Variants in IFNL3 observed in about 807,000 individuals in gnomAD.
IFNL3 encodes the protein interferon lambda-3.
IFNL3 carries 16 observed loss-of-function variants against 16.3 expected under a neutral mutation model. That is an observed-to-expected ratio of 0.98 (90% CI 0.67 to 1.50). The LOEUF is 1.50. IFNL3 is among the 40% of genes most tolerant of loss of function. The probability of loss-of-function intolerance (pLI) is 0.00; values close to 1 mark genes in which losing one functional copy is unlikely to be tolerated. For synonymous variants in IFNL3, 115 were observed against 115.3 expected (o/e 1.00, Z 0.02); for missense variants, 254 against 253.5 (o/e 1.00, Z -0.01).
chr19:39,244,714 G>C, intron 1 of IFNL3, 74 bp downstream of exon 1: 1 of 1,547,348 alleles, frequency 6.5e-7, no homozygotes, highest in Non-Finnish European at 8.8e-7. Flanking sequence ...AGGAAGCTGG[G>C]AGTGGGAAAG....
In IFNL3 at chr19:39,243,553, A is replaced by G. The variant is rs1336132194; in HGVS notation, c.*79T>C. ...TGGATTTACATACACAAATACATAA[A>G]TAGCGACTGGGTGACAATAAATTAA... On this transcript the variant is annotated 3_prime_UTR_variant, in exon 5 of 5. Coordinates refer to ENST00000413851, the MANE Select transcript of IFNL3 (RefSeq NM_172139.4). The G allele has an allele frequency of 6.9e-7, 1 of 1,448,282 alleles. No individual in the cohort carries two copies. The highest frequency in any genetic ancestry group is 9.4e-7 in the Non-Finnish European group (1 of 1,058,486). 89.7% of individuals were successfully genotyped at this position (1,448,282 alleles called of 1,614,324 possible). A position where few individuals can be genotyped will look rare whatever the true frequency, so the allele number is the denominator to read the frequency against.
In IFNL3 at chr19:39,244,883, C is replaced by T. The variant is rs140951294; in HGVS notation, c.85G>A (p.Gly29Arg). 299 of 1,613,990 alleles carry T rather than the reference C, an allele frequency of 1.9e-4. No individual in the cohort carries two copies. The African/African-American group carries it at 2.2e-3, about 12-fold the overall frequency. ...CAGCCCCTTGCATCCGGGAGAGCCC[C>T]GCGGAGCCTGGCGACAGGAACTGCT... ...TGAVPVARLR[G>R]ALPDARGCHI... The change falls in exon 1 of 5, where the codon GGG (glycine) becomes AGG (arginine). Residue 29 changes from glycine (G) to arginine (R), a missense_variant. By Grantham distance (125) the Gly-to-Arg change is moderately radical. Coordinates refer to ENST00000413851, the MANE Select transcript of IFNL3 (RefSeq NM_172139.4).
chr19:39,243,759 C>T, intron 4 of IFNL3, 29 bp from the exon 5 acceptor site: 1 of 1,612,912 alleles, frequency 6.2e-7, no homozygotes. Flanking sequence ...GGGTCAGGGG[C>T]TGTCTGGGTT....
downstream of IFNL3, chr19:39,243,504 A>G (rs1166897446): frequency 8.8e-7 from 1 of 1,131,986 alleles, no homozygotes; most frequent in African/African-American, 1.6e-5. Flanking sequence ...AAGTAGAAAA[A>G]TAAACATTTT....
chr19:39,244,035 G>T lies in IFNL3; in HGVS notation c.381C>A (p.His127Gln). 3.1e-6 allele frequency: 5 copies of T among 1,614,186 alleles called. No homozygotes were observed. The highest frequency in any genetic ancestry group is 4.2e-6 in the Non-Finnish European group (5 of 1,180,026). Residue 127 changes from histidine to glutamine, a missense_variant, in exon 3 of 5, where the codon CAC becomes CAA. Physicochemically the swap from His to Gln is conservative, Grantham distance 24. Transcript: ENST00000413851. ...DVLDQPLHTL[H>Q]HILSQLRACI... ...AGGCCCGGAGCTGGGAGAGGATATG[G>T]TGCAGGGTGTGAAGGGGCTGGTCCA...
Position 39,244,734 on chromosome 19 carries a change from C to A in IFNL3, c.180+54G>T. On this transcript the variant is annotated intron_variant, in intron 1 of 4. Coordinates refer to ENST00000413851, the MANE Select transcript of IFNL3 (RefSeq NM_172139.4). ...GCTGGGAGTGGGAAAGCATGGTGACCCTTGGAGTGCGGGTGGAGGCTAGTC... is the reference window on the plus strand; with the variant it reads ...GCTGGGAGTGGGAAAGCATGGTGACACTTGGAGTGCGGGTGGAGGCTAGTC... 4 of 1,582,338 alleles carry A rather than the reference C, an allele frequency of 2.5e-6. 1 individual carries two copies. Among genetic ancestry groups the A allele is most frequent in the African/African-American group, 2.8e-5 (2 of 72,212 alleles).
rs141779226 is a variant in IFNL3, at chr19:39,244,928, C to G, written c.40G>C (p.Ala14Pro). The change falls in exon 1 of 5, where the codon GCA (alanine) becomes CCA (proline). Residue 14 changes from alanine to proline, a missense_variant. Transcript: ENST00000413851. The part of the protein sequence containing the change: ...DCMPVLVLMA[A>P]VLTVTGAVPV... Reference sequence around the variant, plus strand: ...ACTGCTCCAGTCACGGTCAGCACTGCGGCCATCAGCACCAGCACTGGCATG... The same window carrying G: ...ACTGCTCCAGTCACGGTCAGCACTGGGGCCATCAGCACCAGCACTGGCATG... The G allele has an allele frequency of 1.8e-5, 29 of 1,613,892 alleles. No individual in the cohort carries two copies. In the African/African-American group the frequency reaches 3.2e-4, roughly 18 times the overall value.
At chr19:39,245,228 G>C (rs1257750282), upstream of IFNL3, 1 of 700,680 alleles carries the variant, frequency 1.4e-6, no homozygotes, top group Non-Finnish European at 2.4e-6. Flanking sequence ...TCAGTTTTGA[G>C]CTCTGTCTGG....
Position 39,244,339 on chromosome 19 carries a change from G to A in IFNL3, c.258+78C>T, listed in dbSNP as rs537937279. 131 of 1,527,606 alleles carry A rather than the reference G, an allele frequency of 8.6e-5. 1 individual carries two copies. Among genetic ancestry groups the A allele is most frequent in the Admixed American group, 3.4e-4 (18 of 53,652 alleles). 94.6% of individuals were successfully genotyped at this position (1,527,606 alleles called of 1,614,324 possible). A position where few individuals can be genotyped will look rare whatever the true frequency, so the allele number is the denominator to read the frequency against. On this transcript the variant is annotated intron_variant, in intron 2 of 4. Transcript: ENST00000413851. ...GAGAGGAGAGAGGGACAATGGAGAA[G>A]GAGAAGGTGAAGGGGCCACTACAGA...
intron 4 of IFNL3, 25 bp downstream of exon 4, chr19:39,243,799 G>A: frequency 6.2e-7 from 1 of 1,613,592 alleles, no homozygotes; most frequent in Non-Finnish European, 8.5e-7. Flanking sequence ...CCAGACCTCA[G>A]TCCCTCTCTT....
intron 1 of IFNL3, 100 bp from the exon 2 acceptor site, chr19:39,244,594 A>G (rs1362082988): frequency 1.2e-5 from 17 of 1,439,934 alleles, no homozygotes; most frequent in Non-Finnish European, 1.5e-5. Context: ...GGGGAGGTTA[A>G]CTGCTGGGAG....
upstream of IFNL3, chr19:39,245,082 G>T (rs1368739833): frequency 1.2e-6 from 2 of 1,607,032 alleles, no homozygotes; most frequent in Non-Finnish European, 1.7e-6. Context: ...TTTCATTCCT[G>T]ATCTCTGGTC....
At position 39,244,545 on chromosome 19, in the gene IFNL3, C is replaced by A. The variant is rs140489681; in HGVS notation, c.181-51G>T. ...CCCAGCAGGAGGGGTGGAGGTTAGACCACTCTGATGGGATTGGAGGATGGC... is the reference window on the plus strand; with the variant it reads ...CCCAGCAGGAGGGGTGGAGGTTAGAACACTCTGATGGGATTGGAGGATGGC... On this transcript the variant is annotated intron_variant, in intron 1 of 4. Coordinates refer to ENST00000413851, the MANE Select transcript of IFNL3 (RefSeq NM_172139.4). The A allele has an allele frequency of 1.9e-3, 2,902 of 1,561,456 alleles. 53 individuals carry two copies. In the African/African-American group the frequency reaches 0.034, roughly 18 times the overall value.
At position 39,243,688 on chromosome 19, in the gene IFNL3, A is replaced by C. The variant is rs143748522; in HGVS notation, c.535T>G (p.Phe179Val). 225 of 1,609,280 alleles carry C rather than the reference A, an allele frequency of 1.4e-4. 2 individuals are homozygous for C. In the African/African-American group the frequency reaches 2.7e-3, roughly 19 times the overall value. ...TTCAGGTCTCGCGTGAGGAGGCGGA[A>C]GAGGTTGAAGGTGACAGAGGCCTCG... ...CLEASVTFNL[F>V]RLLTRDLNCV... The change falls in exon 5 of 5, where the codon TTC becomes GTC. Residue 179 changes from phenylalanine (F) to valine (V), a missense_variant. Coordinates refer to ENST00000413851, the MANE Select transcript of IFNL3 (RefSeq NM_172139.4).
intron 2 of IFNL3, 94 bp from the exon 3 acceptor site, chr19:39,244,251 C>T: frequency 6.4e-7 from 1 of 1,555,990 alleles, no homozygotes; most frequent in Non-Finnish European, 8.7e-7. Flanking sequence ...GTGACAGGCA[C>T]AGGGGAGAGG....
At chr19:39,244,327 G>T in intron 2 of IFNL3, 90 bp downstream of exon 2, 1 of 1,438,730 alleles carries the variant, frequency 7.0e-7, no homozygotes, top group East Asian at 2.7e-5. Flanking sequence ...AGGAGAGAGG[G>T]ACAATGGAGA....
chr19:39,244,041 G>C lies in IFNL3; in HGVS notation c.375C>G (p.Thr125=). The C allele has an allele frequency of 6.2e-7, 1 of 1,614,210 alleles. No homozygotes were observed. The highest frequency in any genetic ancestry group is 8.5e-7 in the Non-Finnish European group (1 of 1,180,042). ...GGAGCTGGGAGAGGATATGGTGCAG[G>C]GTGTGAAGGGGCTGGTCCAAGACAT... ...LGDVLDQPLH[T]LHHILSQLRA... is the part of the protein sequence containing the mutation. The change falls in exon 3 of 5, where the codon ACC becomes ACG. Residue 125 remains threonine (T), a synonymous_variant. Transcript: ENST00000413851.
chr19:39,243,861 T>C lies in IFNL3; in HGVS notation c.455A>G (p.His152Arg), dbSNP rs773358366. The change falls in exon 4 of 5, where the codon CAC becomes CGC. Residue 152 changes from histidine (H) to arginine (R), a missense_variant. His to Arg is a conservative substitution (Grantham distance 29). Transcript: ENST00000413851. ...TAGPRTRGRLHHWLHRLQEAP... is the reference protein window; with the variant it reads ...TAGPRTRGRLRHWLHRLQEAP... Reference sequence around the variant, plus strand: ...CTCCTGGAGCCGGTGCAGCCAATGGTGGAGGCGGCCCCGGGTCCTGGGCCC... The same window carrying C: ...CTCCTGGAGCCGGTGCAGCCAATGGCGGAGGCGGCCCCGGGTCCTGGGCCC... 1.1e-5 allele frequency: 18 copies of C among 1,613,678 alleles called. No homozygotes were observed. Among genetic ancestry groups the C allele is most frequent in the Admixed American group, 1.0e-4 (6 of 59,908 alleles).
At position 39,244,908 on chromosome 19, in the gene IFNL3, T is replaced by A. The variant is rs144430183; in HGVS notation, c.60A>T (p.Gly20=). Reference sequence around the variant, plus strand: ...CGCGGAGCCTGGCGACAGGAACTGCTCCAGTCACGGTCAGCACTGCGGCCA... The same window carrying A: ...CGCGGAGCCTGGCGACAGGAACTGCACCAGTCACGGTCAGCACTGCGGCCA... The part of the protein sequence containing the change: ...VLMAAVLTVT[G]AVPVARLRGA... The change falls in exon 1 of 5, where the codon GGA becomes GGT. Residue 20 remains glycine (G), a synonymous_variant. Transcript: ENST00000413851. 26,929 of 1,613,900 alleles carry A rather than the reference T, an allele frequency of 0.017. 292 individuals are homozygous for A. The highest frequency in any genetic ancestry group is 0.019 in the Non-Finnish European group (22,989 of 1,179,848).
Sources: allele counts gnomAD v4.1 joint callset, GRCh38; gene constraint gnomAD v4.1.1; transcripts MANE v1.5; gene names NCBI Gene and HGNC (gene_info 2026-07-23, HGNC 2026-07-21).